Variants in ENTREP2 observed in about 807,000 individuals in gnomAD.
ENTREP2 encodes the protein protein ENTREP2.
the ENTREP2 span, among the ~76,000 whole-genome samples, chr15:29,382,261 CAAA>C: frequency 7.4e-6 from 1 of 134,888 alleles, no homozygotes; most frequent in African/African-American, 2.7e-5. Context: ...GACTCCATCT[CAAA>C]AAAAAAAAAA....
At chr15:29,216,304 T>C in the ENTREP2 span, among the ~76,000 whole-genome samples, 23 of 152,274 alleles carry the variant, frequency 1.5e-4, no homozygotes, top group Non-Finnish European at 2.9e-4. Context: ...CCTGATCCGT[T>C]TTAGCTTGTA....
chr15:29,551,763 C>T, the ENTREP2 span, among the ~76,000 whole-genome samples: 1 of 151,146 alleles, frequency 6.6e-6, no homozygotes, highest in African/African-American at 2.4e-5. Context: ...CACCAAAATC[C>T]AACAGCAAAG....
the ENTREP2 span, among the ~76,000 whole-genome samples, chr15:29,559,823 T>C: frequency 6.6e-6 from 1 of 152,164 alleles, no homozygotes; most frequent in Non-Finnish European, 1.5e-5. Context: ...AAGTCCCTTT[T>C]TGCCATGTGA....
the ENTREP2 span, among the ~76,000 whole-genome samples, chr15:29,335,349 G>C: frequency 6.6e-6 from 1 of 152,142 alleles, no homozygotes; most frequent in African/African-American, 2.4e-5. Flanking sequence ...CCACTGCAAA[G>C]GCCTGCACTA....
At chr15:29,394,128 T>A in the ENTREP2 span, among the ~76,000 whole-genome samples, 3 of 152,150 alleles carry the variant, frequency 2.0e-5, no homozygotes, top group Non-Finnish European at 4.4e-5. Flanking sequence ...TACTGAGACA[T>A]AGGAAGGAAG....
chr15:29,231,285 A>G, the ENTREP2 span, among the ~76,000 whole-genome samples: 12 of 152,186 alleles, frequency 7.9e-5, no homozygotes, highest in African/African-American at 2.9e-4. Context: ...ATCTCTACTT[A>G]CATGATTAAA....
At chr15:29,466,224 G>A in the ENTREP2 span, among the ~76,000 whole-genome samples, 2 of 151,918 alleles carry the variant, frequency 1.3e-5, no homozygotes, top group Admixed American at 6.5e-5. Context: ...AGAAAGGAGG[G>A]GAGAGCAAGA....
the ENTREP2 span, among the ~76,000 whole-genome samples, chr15:29,349,441 T>C: frequency 6.6e-6 from 1 of 152,196 alleles, no homozygotes; most frequent in Non-Finnish European, 1.5e-5. Context: ...TTGCATCTCA[T>C]GTATGGGACT....
chr15:29,353,708 T>C, the ENTREP2 span, among the ~76,000 whole-genome samples: 1 of 152,148 alleles, frequency 6.6e-6, no homozygotes, highest in Non-Finnish European at 1.5e-5. Context: ...TGCCACCACC[T>C]GGGAGGTAGG....
At chr15:29,428,169 C>G in the ENTREP2 span, among the ~76,000 whole-genome samples, 1 of 152,138 alleles carries the variant, frequency 6.6e-6, no homozygotes, top group South Asian at 2.1e-4. Context: ...ACAGCAGAAT[C>G]AAGATGACAC....
At chr15:29,264,614 T>C in the ENTREP2 span, among the ~76,000 whole-genome samples, 2 of 152,220 alleles carry the variant, frequency 1.3e-5, no homozygotes, top group African/African-American at 4.8e-5. Flanking sequence ...AAGGATGTTC[T>C]ACAGAAAACA....
the ENTREP2 span, among the ~76,000 whole-genome samples, chr15:29,488,839 C>G: frequency 1.6e-4 from 24 of 152,060 alleles, no homozygotes; most frequent in Admixed American, 7.9e-4. Flanking sequence ...TACAAAAATA[C>G]CCTTGAAAAA....
At chr15:29,447,160 T>A in the ENTREP2 span, among the ~76,000 whole-genome samples, 1 of 152,240 alleles carries the variant, frequency 6.6e-6, no homozygotes. Context: ...AAATAATTTT[T>A]AATTAAAATA....
At chr15:29,149,042 A>G in the ENTREP2 span, among the ~76,000 whole-genome samples, 2 of 151,812 alleles carry the variant, frequency 1.3e-5, no homozygotes, top group Admixed American at 1.3e-4. Context: ...ATGCCCGGCT[A>G]ATTTTTGTAT....
the ENTREP2 span, among the ~76,000 whole-genome samples, chr15:29,299,792 G>C: frequency 2.6e-5 from 4 of 152,116 alleles, no homozygotes; most frequent in East Asian, 5.8e-4. Flanking sequence ...ATTCATTGCT[G>C]TATCCCCAGA....
the ENTREP2 span, among the ~76,000 whole-genome samples, chr15:29,461,317 A>G: frequency 1.3e-5 from 2 of 152,184 alleles, no homozygotes; most frequent in Admixed American, 6.6e-5. Flanking sequence ...TGCTTATATC[A>G]GTATCAACAC....
the ENTREP2 span, among the ~76,000 whole-genome samples, chr15:29,538,752 T>C: frequency 6.6e-6 from 1 of 150,968 alleles, no homozygotes; most frequent in East Asian, 2.0e-4. Flanking sequence ...GAACTTGCAG[T>C]GAGCCGAGAT....
chr15:29,492,983 G>A, the ENTREP2 span, among the ~76,000 whole-genome samples: 20 of 150,778 alleles, frequency 1.3e-4, 1 homozygote, highest in South Asian at 4.2e-4. Context: ...CAGCTGGGGC[G>A]ACAGAGTGAG....
the ENTREP2 span, among the ~76,000 whole-genome samples, chr15:29,187,052 C>T: frequency 5.9e-5 from 9 of 152,122 alleles, no homozygotes; most frequent in Non-Finnish European, 1.3e-4. Flanking sequence ...TTCCCACTTC[C>T]TCAGCTTCTT....
Sources: allele counts gnomAD v4.1 joint callset (sites outside exome capture counted in the v4.1 genomes callset), GRCh38; gene constraint gnomAD v4.1.1; transcripts MANE v1.5; gene names NCBI Gene and HGNC (gene_info 2026-07-23, HGNC 2026-07-21).